CFAP43: variants seen among roughly 807,000 people sequenced by gnomAD.
CFAP43 encodes the protein cilia- and flagella-associated protein 43.
Under a neutral mutation model 218.9 loss-of-function variants are expected in CFAP43, and 155 were observed. The observed-to-expected ratio is 0.71, with a 90% CI of 0.62 to 0.81. CFAP43 has a LOEUF of 0.81. Among genes scored for constraint, CFAP43 ranks in the 30% least tolerant of loss-of-function variants. CFAP43 has a pLI of 0.00. For missense variants in CFAP43, 1,778 were observed against 1,954.3 expected (o/e 0.91, Z 1.70); for synonymous variants, 645 against 681.3 (o/e 0.95, Z 0.83).
intron 11 of CFAP43, chr10:104,192,804 AGG>A (rs2090269972): frequency 1.2e-5 from 2 of 171,848 alleles, no homozygotes; most frequent in South Asian, 3.1e-4. Context: ...GCAGAAAGGC[AGG>A]GGGTAAATGG....
intron 28 of CFAP43, among the ~76,000 whole-genome samples, chr10:104,149,845 T>C (rs1025132479): frequency 3.9e-5 from 6 of 152,114 alleles, no homozygotes; most frequent in Non-Finnish European, 7.3e-5. Context: ...ATTTGCAGAG[T>C]TGTGTAACAA....
chr10:104,206,994 C>T (rs899855565), intron 6 of CFAP43, among the ~76,000 whole-genome samples: 10 of 152,132 alleles, frequency 6.6e-5, no homozygotes, highest in African/African-American at 1.7e-4. Context: ...GCCAACATGA[C>T]GAAACCCCAT....
At position 104,133,598 on chromosome 10, in the gene CFAP43, T is replaced by C. The variant is rs754274637; in HGVS notation, c.4596+22A>G. On this transcript the variant is annotated intron_variant, in intron 35 of 37. Coordinates refer to ENST00000357060, the MANE Select transcript of CFAP43 (RefSeq NM_025145.7). ...ATTAATGAATAAAATTAAAACTATGTAGGGGGGTAGGGAGAATTTACCTTT... is the reference window on the plus strand; with the variant it reads ...ATTAATGAATAAAATTAAAACTATGCAGGGGGGTAGGGAGAATTTACCTTT... The C allele has an allele frequency of 8.1e-6, 13 of 1,602,994 alleles. No homozygotes were observed. In the East Asian group the frequency reaches 2.9e-4, roughly 36 times the overall value.
At chr10:104,172,668 ATAAT>A in intron 19 of CFAP43, 133 bp from the exon 20 acceptor site, 1 of 771,386 alleles carries the variant, frequency 1.3e-6, no homozygotes, top group Non-Finnish European at 1.9e-6. Context: ...TACTAAGTAA[ATAAT>A]TAGATTATGG....
intron 6 of CFAP43, among the ~76,000 whole-genome samples, chr10:104,207,423 A>T (rs978100428): frequency 9.9e-5 from 15 of 152,274 alleles, no homozygotes; most frequent in Admixed American, 3.3e-4. Flanking sequence ...GGACTGGGCC[A>T]TGTTTCCTAA....
At chr10:104,225,075 A>T (rs2091275269) in intron 3 of CFAP43, among the ~76,000 whole-genome samples, 1 of 152,188 alleles carries the variant, frequency 6.6e-6, no homozygotes, top group South Asian at 2.1e-4. Context: ...AATGTCTCTA[A>T]CAACAATTAC....
At chr10:104,192,359 A>G (rs1212979292) in intron 11 of CFAP43, 57 bp from the exon 12 acceptor site, 22 of 1,355,802 alleles carry the variant, frequency 1.6e-5, no homozygotes, top group Non-Finnish European at 2.2e-5. Flanking sequence ...CTAGATGGTG[A>G]ACAAGTTTAT....
chr10:104,186,198 G>T, intron 14 of CFAP43, 75 bp from the exon 15 acceptor site: 2 of 1,193,628 alleles, frequency 1.7e-6, no homozygotes, highest in East Asian at 2.7e-5. Flanking sequence ...AGATATACAT[G>T]CCTGTTGTAT....
rs543326536 is a variant in CFAP43, at chr10:104,132,215, A to C, written c.4597-19T>G. 7 of 1,513,502 alleles carry C rather than the reference A, an allele frequency of 4.6e-6. No homozygotes were observed. The highest frequency in any genetic ancestry group is 2.8e-5 in the African/African-American group (2 of 71,548). 93.8% of individuals were successfully genotyped at this position (1,513,502 alleles called of 1,614,324 possible). A position where few individuals can be genotyped will look rare whatever the true frequency, so the allele number is the denominator to read the frequency against. ...TTAGGTACTTTGAGATTAAAAAAAAACATGTAAGGATATTTTTCTCTCTTT... is the reference window on the plus strand; with the variant it reads ...TTAGGTACTTTGAGATTAAAAAAAACCATGTAAGGATATTTTTCTCTCTTT... On this transcript the variant is annotated intron_variant, in intron 35 of 37. Coordinates refer to ENST00000357060, the MANE Select transcript of CFAP43 (RefSeq NM_025145.7).
At chr10:104,173,843 A>T (rs906460111) in intron 19 of CFAP43, among the ~76,000 whole-genome samples, 2 of 152,240 alleles carry the variant, frequency 1.3e-5, no homozygotes, top group African/African-American at 4.8e-5. Flanking sequence ...TGAAATAATA[A>T]CAATAAATCA....
At chr10:104,196,368 C>T (rs2090381766) in intron 10 of CFAP43, among the ~76,000 whole-genome samples, 1 of 152,154 alleles carries the variant, frequency 6.6e-6, no homozygotes, top group Admixed American at 6.5e-5. Context: ...GACCATTTAA[C>T]CAATTATGGC....
chr10:104,184,825 AC>A (rs1369676304), intron 16 of CFAP43, among the ~76,000 whole-genome samples, 190 bp downstream of exon 16: 2 of 151,860 alleles, frequency 1.3e-5, no homozygotes, highest in Non-Finnish European at 2.9e-5. Context: ...CTCCTGACCC[AC>A]CCCAGGTCTG....
intron 28 of CFAP43, among the ~76,000 whole-genome samples, chr10:104,150,537 A>G: frequency 6.6e-6 from 1 of 152,070 alleles, no homozygotes; most frequent in Non-Finnish European, 1.5e-5. Context: ...TTTAAATGTA[A>G]CCTTTTCAGT....
chr10:104,133,106 G>A (rs541429521), intron 35 of CFAP43, among the ~76,000 whole-genome samples: 11 of 152,222 alleles, frequency 7.2e-5, no homozygotes, highest in Non-Finnish European at 1.0e-4. Context: ...ATGGGGCATG[G>A]CTTGGAATCC....
chr10:104,227,754 T>A (rs2091339910), intron 2 of CFAP43, among the ~76,000 whole-genome samples: 1 of 151,994 alleles, frequency 6.6e-6, no homozygotes, highest in Admixed American at 6.6e-5. Context: ...ATCAAATATG[T>A]CTGTCTTTTC....
At chr10:104,159,263 G>A (rs1396524685) in intron 27 of CFAP43, among the ~76,000 whole-genome samples, 2 of 152,108 alleles carry the variant, frequency 1.3e-5, no homozygotes, top group African/African-American at 4.8e-5. Context: ...GTGATCCAGG[G>A]GGAAAGAGAG....
intron 2 of CFAP43, among the ~76,000 whole-genome samples, chr10:104,227,328 G>A (rs1260100912): frequency 6.6e-6 from 1 of 152,068 alleles, no homozygotes; most frequent in East Asian, 1.9e-4. Context: ...CTTGAAGTGA[G>A]TATACTGGGT....
At position 104,133,709 on chromosome 10, in the gene CFAP43, C is replaced by G. The variant is rs754434038; in HGVS notation, c.4507G>C (p.Glu1503Gln). Residue 1503 changes from glutamate to glutamine, a missense_variant, in exon 35 of 38, where the codon GAA becomes CAA. Around this residue, in one of 3 missense-constraint regions of CFAP43, gnomAD observed 211 missense variants for 230.6 expected, o/e 0.91. Coordinates refer to ENST00000357060, the MANE Select transcript of CFAP43 (RefSeq NM_025145.7). The stretch of plus-strand genomic sequence containing the variant: ...CTTTCCATCTCCATTTTCTTATGTT[C>G]CCACTCAATCTGAAGTATTCTTTTG... Reference protein sequence around the residue: ...VHKRILQIEWEHKKMEMERED... With the variant: ...VHKRILQIEWQHKKMEMERED... The G allele has an allele frequency of 2.5e-6, 4 of 1,613,386 alleles. No homozygotes were observed. Among genetic ancestry groups the G allele is most frequent in the Non-Finnish European group, 3.4e-6 (4 of 1,179,694 alleles).
At chr10:104,171,293 C>T (rs910135772) in intron 20 of CFAP43, among the ~76,000 whole-genome samples, 15 of 152,314 alleles carry the variant, frequency 9.8e-5, no homozygotes, top group African/African-American at 3.4e-4. Context: ...GAATGATTAT[C>T]TCAGGTAAAT....
Sources: allele counts gnomAD v4.1 joint callset (sites outside exome capture counted in the v4.1 genomes callset), GRCh38; gene constraint gnomAD v4.1.1; regional missense constraint gnomAD v4.1.1; transcripts MANE v1.5; gene names NCBI Gene and HGNC (gene_info 2026-07-23, HGNC 2026-07-21).